CD59: variants seen among roughly 807,000 people sequenced by gnomAD.
CD59 encodes the protein CD59 glycoprotein.
Under a neutral mutation model 7.0 loss-of-function variants are expected in CD59, and 3 were observed. The ratio of observed to expected loss-of-function variants is 0.43; its 90% CI spans 0.19 to 1.10. CD59 has a LOEUF of 1.10. Ranked by LOEUF, CD59 falls within the 50% of genes least tolerant of loss-of-function variation. The pLI, the probability that CD59 is intolerant of heterozygous loss-of-function variation, is 0.29. For missense variants in CD59, 143 were observed against 151.0 expected (o/e 0.95, Z 0.28); for synonymous variants, 60 against 62.0 (o/e 0.97, Z 0.15).
chr11:33,733,178 G>A (rs1369959177), intron 1 of CD59, among the ~76,000 whole-genome samples: 1 of 152,200 alleles, frequency 6.6e-6, no homozygotes, highest in African/African-American at 2.4e-5. Context: ...CTCTCCCCTA[G>A]AGCCTCCAGA....
intron 1 of CD59, among the ~76,000 whole-genome samples, chr11:33,730,749 G>A (rs1854392940): frequency 6.6e-6 from 1 of 152,216 alleles, no homozygotes; most frequent in African/African-American, 2.4e-5. Flanking sequence ...GCGCAATAGT[G>A]TAAAACTTGA....
intron 3 of CD59, among the ~76,000 whole-genome samples, chr11:33,715,039 G>A (rs1853726180): frequency 6.6e-6 from 1 of 151,532 alleles, no homozygotes; most frequent in Non-Finnish European, 1.5e-5. Context: ...TGCCTCCTGG[G>A]TTCAAGCAAT....
chr11:33,710,572 G>T (rs918392889), intron 3 of CD59, among the ~76,000 whole-genome samples: 2 of 152,206 alleles, frequency 1.3e-5, no homozygotes, highest in Admixed American at 1.3e-4. Flanking sequence ...AGTTATGGGG[G>T]TGGGACGGAG....
chr11:33,726,267 C>G (rs1250666814), intron 1 of CD59, among the ~76,000 whole-genome samples: 1 of 152,106 alleles, frequency 6.6e-6, no homozygotes, highest in Admixed American at 6.5e-5. Flanking sequence ...TAAAATTGAC[C>G]ACATAATTGG....
Position 33,708,564 on chromosome 11 carries a change from C to T in CD59, c.*1562G>A, listed in dbSNP as rs755531857. 6.8e-6 allele frequency: 1 copy of T among 147,430 alleles called. No individual in the cohort carries two copies. The highest frequency in any genetic ancestry group is 1.5e-5 in the Non-Finnish European group (1 of 67,564). The allele number at this position is 147,430 out of a possible 1,614,324, so 9.1% of individuals were successfully genotyped here. A position where few individuals can be genotyped will look rare whatever the true frequency, so the allele number is the denominator to read the frequency against. On this transcript the variant is annotated 3_prime_UTR_variant, in exon 4 of 4. Coordinates refer to ENST00000642928, the MANE Select transcript of CD59 (RefSeq NM_000611.6). ...ACATGAAATGAGCTTCTTTGCTCAGCCGGTGGCTGTGGGCATGGTCAGTAC... is the reference window on the plus strand; with the variant it reads ...ACATGAAATGAGCTTCTTTGCTCAGTCGGTGGCTGTGGGCATGGTCAGTAC...
chr11:33,722,231 G>A lies in CD59; in HGVS notation c.67+148C>T, dbSNP rs1854100083. The A allele has an allele frequency of 1.3e-5, 9 of 697,256 alleles. No individual in the cohort carries two copies. In the South Asian group the frequency reaches 1.3e-4, roughly 10 times the overall value. 43.2% of individuals were successfully genotyped at this position (697,256 alleles called of 1,614,324 possible). A position where few individuals can be genotyped will look rare whatever the true frequency, so the allele number is the denominator to read the frequency against. ...GGACAAGGTCATAACATAGGAAGGA[G>A]CTGTCATACAACCCCAGACCTGTAA... On this transcript the variant is annotated intron_variant, in intron 2 of 3. Transcript: ENST00000642928.
chr11:33,715,453 A>G (rs1652886275), intron 3 of CD59, among the ~76,000 whole-genome samples: 1 of 152,140 alleles, frequency 6.6e-6, no homozygotes, highest in South Asian at 2.1e-4. Flanking sequence ...TACAAAAATT[A>G]GCTGGGCATG....
intron 1 of CD59, among the ~76,000 whole-genome samples, chr11:33,735,871 G>A (rs965364677): frequency 1.3e-5 from 2 of 150,908 alleles, no homozygotes; most frequent in Admixed American, 6.6e-5. Flanking sequence ...AACCCAGATC[G>A]CGCCACTGCA....
intron 1 of CD59, among the ~76,000 whole-genome samples, chr11:33,725,172 C>T (rs1304327506): frequency 6.6e-6 from 1 of 150,740 alleles, no homozygotes; most frequent in Admixed American, 6.7e-5. Context: ...ATTACTTTTA[C>T]AATCAGAAAC....
rs1202311138 is a variant in CD59 at position 33,709,267 on chromosome 11, C to T, written c.*859G>A. 6.6e-6 allele frequency: 1 copy of T among 152,260 alleles called. No homozygotes were observed. The highest frequency in any genetic ancestry group is 1.5e-5 in the Non-Finnish European group (1 of 68,086). The allele number at this position is 152,260 out of a possible 1,614,324, so 9.4% of individuals were successfully genotyped here. Reference sequence around the variant, plus strand: ...AAACTGTAACCACAAAGGGTGTCCCCACTGCATTCATACTATATACACACA... The same window carrying T: ...AAACTGTAACCACAAAGGGTGTCCCTACTGCATTCATACTATATACACACA... On this transcript the variant is annotated 3_prime_UTR_variant, in exon 4 of 4. Coordinates refer to ENST00000642928, the MANE Select transcript of CD59 (RefSeq NM_000611.6).
intron 1 of CD59, chr11:33,722,803 A>G: frequency 4.1e-6 from 4 of 969,972 alleles, no homozygotes; most frequent in Non-Finnish European, 5.4e-6. Context: ...TGCTGGCTGA[A>G]AGAGAGGGCC....
At chr11:33,717,596 T>C in intron 2 of CD59, 125 bp from the exon 3 acceptor site, 2 of 702,640 alleles carry the variant, frequency 2.8e-6, no homozygotes, top group Non-Finnish European at 2.6e-6. Flanking sequence ...CCCGCACAAA[T>C]GTATAGCAGT....
At position 33,703,439 on chromosome 11, in the gene CD59, A is replaced by T. The variant is rs1853176241; in HGVS notation, c.*6687T>A. On this transcript the variant is annotated 3_prime_UTR_variant, in exon 4 of 4. Coordinates refer to ENST00000642928, the MANE Select transcript of CD59 (RefSeq NM_000611.6). ...GAACCTTTCCCTCCCTGGGCTCCAA[A>T]GCACTATGTCACCTACCTCTCCACT... 6.6e-6 allele frequency: 1 copy of T among 152,320 alleles called. No individual in the cohort carries two copies. The allele number at this position is 152,320 out of a possible 1,614,324, so 9.4% of individuals were successfully genotyped here. A position where few individuals can be genotyped will look rare whatever the true frequency, so the allele number is the denominator to read the frequency against.
Position 33,710,013 on chromosome 11 carries a change from A to C in CD59, c.*113T>G. On this transcript the variant is annotated 3_prime_UTR_variant, in exon 4 of 4. Transcript: ENST00000642928. The stretch of plus-strand genomic sequence containing the variant: ...TAGCCAGGTTGCTCAAGCTAATTTT[A>C]TTCTTTCCCAACAGGATCCATTTGG... The C allele has an allele frequency of 1.1e-6, 1 of 898,636 alleles. No individual in the cohort carries two copies. The highest frequency in any genetic ancestry group is 1.8e-6 in the Non-Finnish European group (1 of 557,934). 55.7% of individuals were successfully genotyped at this position (898,636 alleles called of 1,614,324 possible). A position where few individuals can be genotyped will look rare whatever the true frequency, so the allele number is the denominator to read the frequency against.
intron 1 of CD59, among the ~76,000 whole-genome samples, chr11:33,735,802 G>A (rs1854552101): frequency 1.3e-5 from 2 of 152,020 alleles, no homozygotes; most frequent in Admixed American, 1.3e-4. Context: ...TGTAATCCCA[G>A]CTACTCAGGA....
intron 3 of CD59, among the ~76,000 whole-genome samples, chr11:33,712,657 C>T (rs775105773): frequency 1.3e-5 from 2 of 152,200 alleles, no homozygotes; most frequent in Non-Finnish European, 2.9e-5. Context: ...TGACTGCTAA[C>T]AGGTTTCTTT....
intron 3 of CD59, among the ~76,000 whole-genome samples, chr11:33,714,192 C>T (rs577421828): frequency 6.6e-6 from 1 of 152,210 alleles, no homozygotes; most frequent in Non-Finnish European, 1.5e-5. Flanking sequence ...AACGTCATAG[C>T]GTGTAGTTAC....
intron 1 of CD59, among the ~76,000 whole-genome samples, chr11:33,727,356 G>A (rs1015458083): frequency 1.3e-5 from 2 of 152,184 alleles, no homozygotes; most frequent in African/African-American, 4.8e-5. Context: ...TGGGATGCAA[G>A]GCTGGTTCAA....
chr11:33,724,788 TG>T (rs1854204782), intron 1 of CD59, among the ~76,000 whole-genome samples: 1 of 152,290 alleles, frequency 6.6e-6, no homozygotes, highest in Admixed American at 6.5e-5. Context: ...TCCACATGAC[TG>T]GCTGGTTGTT....
Sources: gnomAD v4.1 joint callset for allele counts (sites outside exome capture counted in the v4.1 genomes callset) on GRCh38, gnomAD v4.1.1 for gene constraint, MANE v1.5 for transcripts, NCBI Gene and HGNC (gene_info 2026-07-23, HGNC 2026-07-21) for gene names.